PAM16: variants seen among roughly 807,000 people sequenced by gnomAD.
The protein encoded by PAM16 is mitochondrial import inner membrane translocase subunit TIM16.
A neutral mutation model predicts 17.9 loss-of-function variants in PAM16; 11 were observed. The ratio of observed to expected loss-of-function variants is 0.62; its 90% CI spans 0.39 to 1.02. The LOEUF is 1.02. PAM16 is among the 50% of genes least tolerant of loss of function. The probability of loss-of-function intolerance (pLI) is 0.01; values close to 1 mark genes in which losing one functional copy is unlikely to be tolerated. For synonymous variants in PAM16, 72 were observed against 67.4 expected, an observed-to-expected ratio of 1.07 and a Z score of -0.34; for missense variants, 199 against 165.4, an observed-to-expected ratio of 1.20 and a Z score of -1.11.
chr16:4,341,104 C>G, intron 3 of PAM16, 119 bp from the exon 4 acceptor site: 1 of 1,368,126 alleles, frequency 7.3e-7, no homozygotes, highest in Non-Finnish European at 1.0e-6. Context: ...TGTGCCACAC[C>G]CAGCTGTTGT....
chr16:4,346,080 C>G (rs2053754483), intron 1 of PAM16: 1 of 592,840 alleles, frequency 1.7e-6, no homozygotes, highest in African/African-American at 2.0e-5. Flanking sequence ...CTGCACACTT[C>G]AAACCAAAGC....
intron 1 of PAM16, chr16:4,343,954 G>A (rs2053692019): frequency 2.5e-6 from 1 of 398,164 alleles, no homozygotes; most frequent in South Asian, 1.3e-4. Flanking sequence ...CATCTGCTGA[G>A]AGTCTACTCT....
At chr16:4,351,085 C>CG in intron 1 of PAM16, 147 bp downstream of exon 1, 1 of 383,570 alleles carries the variant, frequency 2.6e-6, no homozygotes, top group Non-Finnish European at 4.4e-6. Context: ...TCGATTCCCC[C>CG]GGGTGCAACG....
At chr16:4,340,884 A>G (rs1263824674) in intron 4 of PAM16, 36 bp downstream of exon 4, 27 of 1,612,070 alleles carry the variant, frequency 1.7e-5, no homozygotes, top group Non-Finnish European at 2.3e-5. Context: ...AAGGGGTCCC[A>G]TGACTTCATT....
chr16:4,346,641 T>G (rs1052252553), intron 1 of PAM16: 3 of 152,222 alleles, frequency 2.0e-5, no homozygotes, highest in African/African-American at 7.2e-5. Flanking sequence ...ACCCTAGCTT[T>G]CTTTCTCAAT....
chr16:4,342,431 T>C (rs1055880061), intron 2 of PAM16, among the ~76,000 whole-genome samples: 1 of 150,774 alleles, frequency 6.6e-6, no homozygotes, highest in African/African-American at 2.4e-5. Context: ...GAGGTGGGCA[T>C]ATCACGTGAG....
intron 1 of PAM16, chr16:4,345,887 C>A (rs1392143104): frequency 2.0e-6 from 2 of 985,102 alleles, no homozygotes; most frequent in Non-Finnish European, 2.4e-6. Context: ...TCAGAGGGTC[C>A]CCTCGGCTTG....
chr16:4,342,893 G>C (rs2053671237), intron 2 of PAM16, among the ~76,000 whole-genome samples: 1 of 152,208 alleles, frequency 6.6e-6, no homozygotes, highest in Non-Finnish European at 1.5e-5. Context: ...AGGAGGCAGA[G>C]GTTGCAGTGA....
chr16:4,343,452 A>C, intron 1 of PAM16, 161 bp from the exon 2 acceptor site: 1 of 1,434,716 alleles, frequency 7.0e-7, no homozygotes, highest in Non-Finnish European at 9.1e-7. Context: ...CCTGAATGAA[A>C]GCTTCCATGG....
chr16:4,341,040 G>A lies in PAM16; in HGVS notation c.226-55C>T, dbSNP rs147028858. ...CTGCAGACTGCAGGCAAGAGATGTT[G>A]GGCAGGCTATGTGGGGCCACGTGAG... On this transcript the variant is annotated intron_variant, in intron 3 of 4. Transcript: ENST00000318059. 238 of 1,607,456 alleles carry A rather than the reference G, an allele frequency of 1.5e-4. 1 individual carries two copies. In the African/African-American group the frequency reaches 2.6e-3, roughly 18 times the overall value.
At chr16:4,344,510 GGT>G (rs1259868048) in intron 1 of PAM16, among the ~76,000 whole-genome samples, 56 of 63,592 alleles carry the variant, frequency 8.8e-4, no homozygotes, top group Non-Finnish European at 1.2e-3. Flanking sequence ...GAGAGGAGGG[GGT>G]TCTGTGAGAG....
chr16:4,343,792 T>C (rs2053689066), intron 1 of PAM16: 1 of 402,394 alleles, frequency 2.5e-6, no homozygotes, highest in East Asian at 3.6e-5. Context: ...GTCCATTCCA[T>C]TCAATAAAAC....
At chr16:4,350,126 T>C (rs952889466) in intron 1 of PAM16, among the ~76,000 whole-genome samples, 2 of 151,914 alleles carry the variant, frequency 1.3e-5, no homozygotes, top group Non-Finnish European at 2.9e-5. Flanking sequence ...TCCCCCTCTT[T>C]TTCTTTTTGA....
In PAM16 at chr16:4,351,279, C is replaced by G; in HGVS notation, c.-45G>C. 6.9e-7 allele frequency: 1 copy of G among 1,446,786 alleles called. No individual in the cohort carries two copies. Among genetic ancestry groups the G allele is most frequent in the Non-Finnish European group, 9.2e-7 (1 of 1,089,302 alleles). 89.6% of individuals were successfully genotyped at this position (1,446,786 alleles called of 1,614,324 possible). A position where few individuals can be genotyped will look rare whatever the true frequency, so the allele number is the denominator to read the frequency against. ...GGGCTCAAACTCCGACTTCCTGGCCCCGCGGCCGGGGATCAAGCGTGGTCG... is the reference window on the plus strand; with the variant it reads ...GGGCTCAAACTCCGACTTCCTGGCCGCGCGGCCGGGGATCAAGCGTGGTCG... On this transcript the variant is annotated 5_prime_UTR_variant, in exon 1 of 5. Transcript: ENST00000318059.
chr16:4,344,071 G>C (rs920345100), intron 1 of PAM16: 1 of 397,864 alleles, frequency 2.5e-6, no homozygotes, highest in Admixed American at 4.4e-5. Flanking sequence ...GGCTGAACAT[G>C]CCGGAACACT....
At chr16:4,348,046 T>C (rs1468434714) in intron 1 of PAM16, 1 of 152,160 alleles carries the variant, frequency 6.6e-6, no homozygotes, top group African/African-American at 2.4e-5. Context: ...AGCCCCAGGC[T>C]CTGGGTAGAT....
chr16:4,349,067 T>A (rs2053805422), intron 1 of PAM16, among the ~76,000 whole-genome samples: 2 of 151,304 alleles, frequency 1.3e-5, no homozygotes, highest in Non-Finnish European at 2.9e-5. Flanking sequence ...GCCATTCTCC[T>A]GCCTCAGCCT....
chr16:4,345,410 C>G (rs2053741392), intron 1 of PAM16: 2 of 152,100 alleles, frequency 1.3e-5, no homozygotes, highest in South Asian at 4.1e-4. Flanking sequence ...TGCTATCTGT[C>G]ACAGCAGTCA....
chr16:4,340,310 G>A lies in PAM16; in HGVS notation c.*9C>T. 2 of 1,607,146 alleles carry A rather than the reference G, an allele frequency of 1.2e-6. No homozygotes were observed. The highest frequency in any genetic ancestry group is 8.5e-7 in the Non-Finnish European group (1 of 1,175,670). On this transcript the variant is annotated 3_prime_UTR_variant, in exon 5 of 5. Transcript: ENST00000318059. Reference sequence around the variant, plus strand: ...AGAGGCGGCGGGGTGGGCGGGGGGAGCCGAGCAGTCACGTATGGGGCATCT... The same window carrying A: ...AGAGGCGGCGGGGTGGGCGGGGGGAACCGAGCAGTCACGTATGGGGCATCT...
Sources: gnomAD v4.1 joint callset for allele counts (sites outside exome capture counted in the v4.1 genomes callset) on GRCh38, gnomAD v4.1.1 for gene constraint, MANE v1.5 for transcripts, NCBI Gene and HGNC (gene_info 2026-07-23, HGNC 2026-07-21) for gene names.